PRKCE: variants seen among roughly 807,000 people sequenced by gnomAD.
The protein encoded by PRKCE is protein kinase C epsilon type.
In PRKCE, 16 loss-of-function variants were observed where a neutral mutation model predicts 85.4. The ratio of observed to expected loss-of-function variants is 0.19; its 90% confidence interval spans 0.13 to 0.28. The LOEUF is 0.28. Ranked by LOEUF, PRKCE falls within the 10% of genes least tolerant of loss-of-function variation. The pLI is 1.00. For synonymous variants in PRKCE, 388 were observed against 371.5 expected (o/e 1.04, Z -0.51); for missense variants, 573 against 975.2 (o/e 0.59, Z 5.49).
At chr2:45,743,013 C>G (rs1304578507) in intron 1 of PRKCE, among the ~76,000 whole-genome samples, 1 of 151,984 alleles carries the variant, frequency 6.6e-6, no homozygotes, top group Non-Finnish European at 1.5e-5. Context: ...ATGAAATAAG[C>G]CAGTCATAGA....
Position 45,787,173 on chromosome 2 carries a change from C to T in PRKCE, c.349-55827C>T, listed in dbSNP as rs140105109. ...CTGTAGCTGGCAGCCCTGCTGGGGG[C>T]GCTGAGCTTCTCAACAGGAGCTGGT... On this transcript the variant is annotated intron_variant, in intron 1 of 14. Transcript: ENST00000306156. Among the ~76,000 whole-genome samples, 13 of 152,326 alleles carry T rather than the reference C, an allele frequency of 8.5e-5. No individual in the cohort carries two copies. In the East Asian group the frequency reaches 1.3e-3, roughly 16 times the overall value.
At chr2:45,820,957 C>T (rs567203173) in intron 1 of PRKCE, among the ~76,000 whole-genome samples, 61 of 151,054 alleles carry the variant, frequency 4.0e-4, no homozygotes, top group Non-Finnish European at 6.3e-4. Context: ...TCCCTCACAT[C>T]CAGAAAACTT....
At chr2:45,967,421 C>A (rs142203798) in intron 2 of PRKCE, among the ~76,000 whole-genome samples, 183 of 152,308 alleles carry the variant, frequency 1.2e-3, no homozygotes, top group Admixed American at 2.1e-3. Flanking sequence ...GGAGGCCTAC[C>A]TACCACCCCA....
Position 45,730,876 on chromosome 2 carries a change from T to C in PRKCE, c.348+78428T>C, listed in dbSNP as rs148263409. Reference sequence around the variant, plus strand: ...TTTTGTGTGTCTGCCCGACAGATCATGGGAGACAGAGTGCTGTTATTTGTA... The same window carrying C: ...TTTTGTGTGTCTGCCCGACAGATCACGGGAGACAGAGTGCTGTTATTTGTA... On this transcript the variant is annotated intron_variant, in intron 1 of 14. Coordinates refer to ENST00000306156, the MANE Select transcript of PRKCE (RefSeq NM_005400.3). Among the ~76,000 whole-genome samples, 67 of 152,334 alleles carry C rather than the reference T, an allele frequency of 4.4e-4. 2 individuals are homozygous for C. In the East Asian group the frequency reaches 0.013, roughly 29 times the overall value.
chr2:45,910,099 A>C (rs1697276668), intron 2 of PRKCE, among the ~76,000 whole-genome samples: 1 of 151,870 alleles, frequency 6.6e-6, no homozygotes, highest in Non-Finnish European at 1.5e-5. Flanking sequence ...AACTCATGCT[A>C]CAAGGTACTT....
rs146760307 is a variant in PRKCE, at chr2:45,655,174, T to A, written c.348+2726T>A. Among the ~76,000 whole-genome samples, 911 of 152,144 alleles carry A rather than the reference T, an allele frequency of 6.0e-3. 16 individuals carry two copies. The highest frequency in any genetic ancestry group is 0.049 in the East Asian group (252 of 5,176). Reference sequence around the variant, plus strand: ...TCACTGTGGGCCATCCAGAGGAAAATGAGGCCCTGGGTTACTCTCAAGGGG... The same window carrying A: ...TCACTGTGGGCCATCCAGAGGAAAAAGAGGCCCTGGGTTACTCTCAAGGGG... On this transcript the variant is annotated intron_variant, in intron 1 of 14. Coordinates refer to ENST00000306156, the MANE Select transcript of PRKCE (RefSeq NM_005400.3).
At chr2:46,008,864 T>TAAA (rs1705426278) in intron 9 of PRKCE, among the ~76,000 whole-genome samples, 1 of 152,200 alleles carries the variant, frequency 6.6e-6, no homozygotes, top group Non-Finnish European at 1.5e-5. Context: ...CTTAGATGAC[T>TAAA]TTGGAGCATT....
intron 1 of PRKCE, among the ~76,000 whole-genome samples, chr2:45,814,650 G>T (rs1255153998): frequency 3.9e-5 from 6 of 152,240 alleles, no homozygotes; most frequent in Non-Finnish European, 7.3e-5. Flanking sequence ...TTCTCCTGGG[G>T]TCTGTGCTAT....
chr2:45,957,917 ATTT>A (rs11403708), intron 2 of PRKCE, among the ~76,000 whole-genome samples: 3 of 135,310 alleles, frequency 2.2e-5, no homozygotes, highest in Admixed American at 7.4e-5. Context: ...CTGTGTCTCT[ATTT>A]TTTTTTTTTT....
chr2:46,079,366 G>C (rs1289623273), intron 10 of PRKCE, among the ~76,000 whole-genome samples: 1 of 152,092 alleles, frequency 6.6e-6, no homozygotes, highest in Non-Finnish European at 1.5e-5. Context: ...AGCATTTTGT[G>C]TTGTTTTCCA....
intron 2 of PRKCE, among the ~76,000 whole-genome samples, chr2:45,909,232 A>C (rs1697202803): frequency 6.6e-6 from 1 of 152,236 alleles, no homozygotes; most frequent in South Asian, 2.1e-4. Flanking sequence ...TGATATTCAA[A>C]ATGCCATTAT....
At chr2:46,161,160 G>A (rs564987642) in intron 14 of PRKCE, among the ~76,000 whole-genome samples, 10 of 152,340 alleles carry the variant, frequency 6.6e-5, no homozygotes, top group Non-Finnish European at 1.3e-4. Flanking sequence ...GTCCCCTGCT[G>A]CCACAGGGCT....
At chr2:45,971,722 A>G (rs1702121379) in intron 2 of PRKCE, among the ~76,000 whole-genome samples, 1 of 152,254 alleles carries the variant, frequency 6.6e-6, no homozygotes, top group Non-Finnish European at 1.5e-5. Context: ...GAAAAGTAAA[A>G]ATCACCTGTA....
At chr2:45,748,235 C>T (rs919056846) in intron 1 of PRKCE, among the ~76,000 whole-genome samples, 2 of 152,174 alleles carry the variant, frequency 1.3e-5, no homozygotes, top group African/African-American at 4.8e-5. Context: ...GCACAACTAC[C>T]CTGTAAGATA....
At chr2:46,060,747 T>C (rs1449000381) in intron 10 of PRKCE, among the ~76,000 whole-genome samples, 3 of 151,264 alleles carry the variant, frequency 2.0e-5, no homozygotes, top group Non-Finnish European at 4.4e-5. Context: ...CTCTCTCCTT[T>C]TTTTTTTTTT....
chr2:45,793,067 G>C (rs1041281379), intron 1 of PRKCE, among the ~76,000 whole-genome samples: 8 of 152,234 alleles, frequency 5.3e-5, no homozygotes. Context: ...CCAAAGAGCT[G>C]GGATTACAGG....
intron 11 of PRKCE, among the ~76,000 whole-genome samples, chr2:46,097,197 AG>A (rs1015474406): frequency 1.1e-4 from 17 of 152,144 alleles, no homozygotes; most frequent in Non-Finnish European, 2.2e-4. Context: ...ATGGGCTGGA[AG>A]GGCTGACAGA....
rs961671657 is a variant in PRKCE at position 45,907,432 on chromosome 2, A to G, written c.412+64369A>G. On this transcript the variant is annotated intron_variant, in intron 2 of 14. Transcript: ENST00000306156. This position sits in a 1 kb window ranked among gnomAD's most constrained non-coding sequence, Gnocchi z 4.5. ...GCATTTGCTGAATAGCTGTTGGGGTAACACTCCTGTGAACAAAACCAAGAC... is the reference window on the plus strand; with the variant it reads ...GCATTTGCTGAATAGCTGTTGGGGTGACACTCCTGTGAACAAAACCAAGAC... Among the ~76,000 whole-genome samples, 5 of 152,304 alleles carry G rather than the reference A, an allele frequency of 3.3e-5. No individual in the cohort carries two copies. In the South Asian group the frequency reaches 1.0e-3, roughly 32 times the overall value.
At chr2:46,122,073 C>A (rs1673364010) in intron 11 of PRKCE, among the ~76,000 whole-genome samples, 1 of 152,096 alleles carries the variant, frequency 6.6e-6, no homozygotes. Flanking sequence ...ACCTATGTAA[C>A]CCAAACGAAG....
Sources: gnomAD v4.1 joint callset for allele counts (sites outside exome capture counted in the v4.1 genomes callset) on GRCh38, gnomAD v4.1.1 for gene constraint, Gnocchi (gnomAD v3.1) non-coding constraint, MANE v1.5 for transcripts, NCBI Gene and HGNC (gene_info 2026-07-23, HGNC 2026-07-21) for gene names.